Variants in GUCY1A2 observed in about 807,000 individuals in gnomAD.
The protein encoded by GUCY1A2 is guanylate cyclase soluble subunit alpha-2.
GUCY1A2 carries 27 observed loss-of-function variants against 63.5 expected under a neutral mutation model. The observed-to-expected ratio is 0.43, with a 90% CI of 0.31 to 0.59. The LOEUF is 0.59. Ranked by LOEUF, GUCY1A2 falls within the 20% of genes least tolerant of loss-of-function variation. The probability of loss-of-function intolerance (pLI) is 0.11; values close to 1 mark genes in which losing one functional copy is unlikely to be tolerated. For synonymous variants in GUCY1A2, 364 were observed against 343.5 expected (o/e 1.06, Z -0.66); for missense variants, 768 against 913.3 (o/e 0.84, Z 2.05).
chr11:106,872,536 G>A, intron 4 of GUCY1A2, among the ~76,000 whole-genome samples: 1 of 152,032 alleles, frequency 6.6e-6, no homozygotes. Flanking sequence ...AATATCTGAG[G>A]GATAGTCATA....
intron 4 of GUCY1A2, among the ~76,000 whole-genome samples, chr11:106,854,485 G>A (rs1859399810): frequency 6.6e-6 from 1 of 152,136 alleles, no homozygotes; most frequent in South Asian, 2.1e-4. Context: ...TAGTGGACAA[G>A]GGGGCATGTG....
intron 3 of GUCY1A2, among the ~76,000 whole-genome samples, chr11:106,967,142 G>C (rs183940258): frequency 3.2e-4 from 49 of 152,272 alleles, no homozygotes; most frequent in Admixed American, 2.9e-3. Flanking sequence ...ACTCACAAGA[G>C]TCAGGATCAT....
chr11:106,875,580 C>G (rs995925611), intron 4 of GUCY1A2, among the ~76,000 whole-genome samples: 1 of 151,972 alleles, frequency 6.6e-6, no homozygotes, highest in Non-Finnish European at 1.5e-5. Context: ...AATGGTGACT[C>G]TCAGCAGTCC....
At chr11:106,726,584 T>G (rs1306906356) in intron 6 of GUCY1A2, among the ~76,000 whole-genome samples, 1 of 152,152 alleles carries the variant, frequency 6.6e-6, no homozygotes, top group African/African-American at 2.4e-5. Flanking sequence ...CAGGAAACAC[T>G]ACAGGCTAAA....
Position 107,018,105 on chromosome 11 carries a change from CG to C in GUCY1A2, c.-51del. ...GAGGCGGTGGCGGCGAGGACGCGAGCGGCGGCGGAGGCGGCGGTGGCGGGAC... is the reference window on the plus strand; with the variant it reads ...GAGGCGGTGGCGGCGAGGACGCGAGCGCGGCGGAGGCGGCGGTGGCGGGAC... On this transcript the variant is annotated 5_prime_UTR_variant, in exon 1 of 8. Coordinates refer to ENST00000526355, the MANE Select transcript of GUCY1A2 (RefSeq NM_000855.3). The C allele has an allele frequency of 7.8e-7, 1 of 1,281,068 alleles. No individual in the cohort carries two copies. The highest frequency in any genetic ancestry group is 1.8e-5 in the South Asian group (1 of 55,984). The allele number at this position is 1,281,068 out of a possible 1,614,324, so 79.4% of individuals were successfully genotyped here. A position where few individuals can be genotyped will look rare whatever the true frequency, so the allele number is the denominator to read the frequency against.
At chr11:106,969,187 A>C (rs1184169343) in intron 3 of GUCY1A2, among the ~76,000 whole-genome samples, 2 of 152,186 alleles carry the variant, frequency 1.3e-5, no homozygotes, top group Non-Finnish European at 2.9e-5. Context: ...AACTCTACTC[A>C]TCAGATTAAT....
Position 106,680,391 on chromosome 11 carries a change from G to C in GUCY1A2, c.*7158C>G, listed in dbSNP as rs1862412654. On this transcript the variant is annotated 3_prime_UTR_variant, in exon 8 of 8. Coordinates refer to ENST00000526355, the MANE Select transcript of GUCY1A2 (RefSeq NM_000855.3). The stretch of plus-strand genomic sequence containing the variant: ...TCCACAGAAGAAGACTGAATATAAA[G>C]TGATTTCTTCAGTTTAAAAATATGT... The C allele has an allele frequency of 4.8e-6, 1 of 208,662 alleles. No individual in the cohort carries two copies. The highest frequency in any genetic ancestry group is 9.8e-6 in the Non-Finnish European group (1 of 102,562). 12.9% of individuals were successfully genotyped at this position (208,662 alleles called of 1,614,324 possible).
intron 5 of GUCY1A2, among the ~76,000 whole-genome samples, chr11:106,794,706 C>A (rs1477902479): frequency 6.6e-6 from 1 of 151,852 alleles, no homozygotes; most frequent in East Asian, 1.9e-4. Flanking sequence ...AAATAAAATC[C>A]AAATCTAATA....
intron 4 of GUCY1A2, among the ~76,000 whole-genome samples, chr11:106,884,579 A>T (rs992432952): frequency 2.0e-5 from 3 of 152,068 alleles, no homozygotes; most frequent in Non-Finnish European, 4.4e-5. Flanking sequence ...CTAAGAAAAC[A>T]CAGGAAAAGG....
chr11:106,918,178 G>A lies in GUCY1A2; in HGVS notation c.1206+21282C>T, dbSNP rs561189808. Among the ~76,000 whole-genome samples the A allele has an allele frequency of 4.2e-5, 6 of 144,232 alleles. No homozygotes were observed. The East Asian group carries it at 6.4e-4, about 15-fold the overall frequency. The allele number at this position is 144,232 out of a possible 152,430, so 94.6% of individuals were successfully genotyped here. A position where few individuals can be genotyped will look rare whatever the true frequency, so the allele number is the denominator to read the frequency against. On this transcript the variant is annotated intron_variant, in intron 4 of 7. Coordinates refer to ENST00000526355, the MANE Select transcript of GUCY1A2 (RefSeq NM_000855.3). ...TGCAGTTCACTAGTTCTCCTTGGGG[G>A]GCACTGTAAGGACTATCTGTTATGA...
chr11:106,825,573 A>AT (rs1355913681), intron 4 of GUCY1A2, among the ~76,000 whole-genome samples: 6 of 151,284 alleles, frequency 4.0e-5, no homozygotes. Context: ...ACTTAGCTAT[A>AT]TTTTTTCTTT....
chr11:106,842,922 T>A (rs1234633735), intron 4 of GUCY1A2, among the ~76,000 whole-genome samples: 1 of 151,946 alleles, frequency 6.6e-6, no homozygotes, highest in Non-Finnish European at 1.5e-5. Flanking sequence ...CATGTCAGTC[T>A]CATAAGGATG....
In GUCY1A2 at chr11:106,679,481, A is replaced by T. The variant is rs776001256; in HGVS notation, c.*8068T>A. ...AGAGTACAGCCGCCAAAAGTTTAAA[A>T]ATTTCAGGACACAAAATAAATATTT... On this transcript the variant is annotated 3_prime_UTR_variant, in exon 8 of 8. Coordinates refer to ENST00000526355, the MANE Select transcript of GUCY1A2 (RefSeq NM_000855.3). 1 of 196,728 alleles carries T rather than the reference A, an allele frequency of 5.1e-6. No homozygotes were observed. Among genetic ancestry groups the T allele is most frequent in the East Asian group, 8.0e-5 (1 of 12,564 alleles). 12.2% of individuals were successfully genotyped at this position (196,728 alleles called of 1,614,324 possible).
intron 4 of GUCY1A2, among the ~76,000 whole-genome samples, chr11:106,932,216 G>A (rs1273029575): frequency 6.6e-6 from 1 of 151,706 alleles, no homozygotes; most frequent in African/African-American, 2.4e-5. Flanking sequence ...TTATGCTCAG[G>A]GCTACAATAT....
At chr11:106,790,653 G>T (rs1457090507) in intron 5 of GUCY1A2, among the ~76,000 whole-genome samples, 1 of 151,796 alleles carries the variant, frequency 6.6e-6, no homozygotes, top group African/African-American at 2.4e-5. Context: ...CAGAATAGTA[G>T]CTGGGTATCG....
At chr11:106,773,606 T>C (rs1417253151) in intron 6 of GUCY1A2, among the ~76,000 whole-genome samples, 1 of 152,222 alleles carries the variant, frequency 6.6e-6, no homozygotes, top group Non-Finnish European at 1.5e-5. Flanking sequence ...CCAAGTAAAT[T>C]GTACCATTTA....
chr11:106,976,823 A>G (rs141790572), intron 3 of GUCY1A2, among the ~76,000 whole-genome samples: 1 of 152,286 alleles, frequency 6.6e-6, no homozygotes, highest in Non-Finnish European at 1.5e-5. Context: ...CCCTAATGTC[A>G]TCAGGCAGCA....
At chr11:106,846,544 G>C (rs189590076) in intron 4 of GUCY1A2, among the ~76,000 whole-genome samples, 1 of 151,768 alleles carries the variant, frequency 6.6e-6, no homozygotes, top group Admixed American at 6.6e-5. Context: ...AGAAGGAGCA[G>C]TGTTCTATTT....
chr11:106,942,387 G>C (rs1860763307), intron 3 of GUCY1A2, among the ~76,000 whole-genome samples: 6 of 152,022 alleles, frequency 3.9e-5, no homozygotes, highest in Admixed American at 3.9e-4. Flanking sequence ...GTTATAACTA[G>C]AAAACTCTAA....
Sources: gnomAD v4.1 joint callset for allele counts (sites outside exome capture counted in the v4.1 genomes callset) on GRCh38, gnomAD v4.1.1 for gene constraint, MANE v1.5 for transcripts, NCBI Gene and HGNC (gene_info 2026-07-23, HGNC 2026-07-21) for gene names.